The following ROBO1 variants were observed in gnomAD, a reference collection of about 807,000 sequenced individuals.
ROBO1 encodes the protein roundabout guidance receptor 1.
ROBO1 carries 149 observed loss-of-function variants against 195.9 expected under a neutral mutation model. The ratio of observed to expected loss-of-function variants is 0.76; its 90% confidence interval spans 0.67 to 0.87. The LOEUF is 0.87. Ranked by LOEUF, ROBO1 falls within the 40% of genes least tolerant of loss-of-function variation. The probability of loss-of-function intolerance (pLI) is 0.00; values close to 1 mark genes in which losing one functional copy is unlikely to be tolerated. For missense variants in ROBO1, 1,933 were observed against 2,068.3 expected, an observed-to-expected ratio of 0.93 and a Z score of 1.27; for synonymous variants, 816 against 733.2, an observed-to-expected ratio of 1.11 and a Z score of -1.82.
Position 79,086,591 on chromosome 3 carries a change from A to G in ROBO1, c.172+38865T>C, listed in dbSNP as rs138928861. On this transcript the variant is annotated intron_variant, in intron 3 of 30. Transcript: ENST00000464233. The stretch of plus-strand genomic sequence containing the variant: ...CAGCTGAAGAAAATGTGCTCCTTAC[A>G]CAGCTTTATGTGCAAACTACAGGGT... 3.6e-3 allele frequency among the ~76,000 whole-genome samples: 552 copies of G among 152,264 alleles called. 7 individuals are homozygous for G. The highest frequency in any genetic ancestry group is 0.012 in the African/African-American group (514 of 41,558).
At chr3:78,920,929 C>A (rs1201613802) in intron 4 of ROBO1, among the ~76,000 whole-genome samples, 1 of 152,076 alleles carries the variant, frequency 6.6e-6, no homozygotes, top group Non-Finnish European at 1.5e-5. Flanking sequence ...AATCCTCCTG[C>A]CTCAGCATCC....
chr3:79,330,181 G>GT (rs2034376075), intron 2 of ROBO1, among the ~76,000 whole-genome samples: 1 of 150,556 alleles, frequency 6.6e-6, no homozygotes, highest in African/African-American at 2.4e-5. Flanking sequence ...AGGCGGGGAG[G>GT]TTTAGGCAAC....
chr3:79,698,890 A>G (rs1027938119), intron 1 of ROBO1, among the ~76,000 whole-genome samples: 4 of 151,472 alleles, frequency 2.6e-5, no homozygotes, highest in African/African-American at 7.3e-5. Context: ...GAAAGTGCTG[A>G]TAAGCTTTAA....
chr3:78,926,953 TGG>T (rs1222555319), intron 4 of ROBO1, among the ~76,000 whole-genome samples: 1 of 152,186 alleles, frequency 6.6e-6, no homozygotes, highest in Admixed American at 6.5e-5. Context: ...CTGATATAGC[TGG>T]GTGCCATGAA....
rs148981946 is a variant in ROBO1, at chr3:79,512,629, A to G, written c.88+77195T>C. Among the ~76,000 whole-genome samples the G allele has an allele frequency of 2.7e-3, 405 of 152,272 alleles. 1 individual carries two copies. Among genetic ancestry groups the G allele is most frequent in the Middle Eastern group, 6.8e-3 (2 of 294 alleles). ...AATTTCCTTTTTCTAAACAGGAAAT[A>G]TTTATCACATAGACTTTAATTACCA... is the stretch of plus-strand genomic sequence containing the variant. On this transcript the variant is annotated intron_variant, in intron 2 of 30. Coordinates refer to ENST00000464233, the MANE Select transcript of ROBO1 (RefSeq NM_002941.4).
chr3:78,934,031 C>T (rs1375469131), intron 4 of ROBO1, among the ~76,000 whole-genome samples: 3 of 151,936 alleles, frequency 2.0e-5, no homozygotes, highest in Non-Finnish European at 4.4e-5. Flanking sequence ...AATGTATCTT[C>T]AAATTCAAAA....
intron 2 of ROBO1, among the ~76,000 whole-genome samples, chr3:79,493,216 C>T (rs1055191394): frequency 1.3e-5 from 2 of 151,968 alleles, no homozygotes; most frequent in African/African-American, 2.4e-5. Flanking sequence ...TAGCTGTTCA[C>T]ACTTCCCATT....
At chr3:79,551,607 A>T (rs977707849) in intron 2 of ROBO1, among the ~76,000 whole-genome samples, 3 of 152,048 alleles carry the variant, frequency 2.0e-5, no homozygotes, top group Non-Finnish European at 4.4e-5. Context: ...GAAGAAAGAA[A>T]ATATTAATCT....
At chr3:79,659,645 A>G (rs916813307) in intron 1 of ROBO1, among the ~76,000 whole-genome samples, 2 of 151,880 alleles carry the variant, frequency 1.3e-5, no homozygotes, top group African/African-American at 4.8e-5. Flanking sequence ...GGTTTTATAG[A>G]CCTCACAGAA....
chr3:78,987,403 T>C (rs1037263302), intron 3 of ROBO1, among the ~76,000 whole-genome samples: 23 of 151,964 alleles, frequency 1.5e-4, no homozygotes, highest in Non-Finnish European at 2.9e-4. Context: ...CTCAAGAAAT[T>C]ATATCAGCAA....
At chr3:79,197,364 G>A (rs1021646473) in intron 2 of ROBO1, among the ~76,000 whole-genome samples, 6 of 152,002 alleles carry the variant, frequency 3.9e-5, no homozygotes, top group African/African-American at 1.4e-4. Flanking sequence ...CAAAGGACAT[G>A]AACTCATCCT....
chr3:78,970,045 T>C (rs2107904093), intron 3 of ROBO1, among the ~76,000 whole-genome samples: 1 of 152,224 alleles, frequency 6.6e-6, no homozygotes, highest in Non-Finnish European at 1.5e-5. Flanking sequence ...TTGTGCCAGT[T>C]TATATTTTAG....
intron 1 of ROBO1, among the ~76,000 whole-genome samples, chr3:79,749,460 A>T (rs895265608): frequency 1.3e-5 from 2 of 152,204 alleles, no homozygotes; most frequent in African/African-American, 4.8e-5. Flanking sequence ...GAGGATCCAA[A>T]TGTTAATTCC....
intron 5 of ROBO1, among the ~76,000 whole-genome samples, chr3:78,730,525 C>A (rs564630492): frequency 1.5e-5 from 1 of 64,720 alleles, no homozygotes; most frequent in Middle Eastern, 0.013. Context: ...AAAATAGCTA[C>A]AAATTGAAGT....
At chr3:79,456,504 A>G (rs924351139) in intron 2 of ROBO1, among the ~76,000 whole-genome samples, 1 of 152,122 alleles carries the variant, frequency 6.6e-6, no homozygotes, top group Non-Finnish European at 1.5e-5. Context: ...ATTTCTGTAG[A>G]AGGAAAAGCT....
chr3:78,641,935 T>C (rs1028453860), intron 21 of ROBO1, among the ~76,000 whole-genome samples: 1 of 152,184 alleles, frequency 6.6e-6, no homozygotes, highest in Non-Finnish European at 1.5e-5. Flanking sequence ...ATGCTAGTTA[T>C]TTAAGGCAGA....
At chr3:79,470,768 C>G (rs375864559) in intron 2 of ROBO1, among the ~76,000 whole-genome samples, 3 of 152,094 alleles carry the variant, frequency 2.0e-5, no homozygotes, top group African/African-American at 7.2e-5. Context: ...AAAGATGTGA[C>G]TTTGCTCCTC....
chr3:79,448,023 G>T (rs558185924), intron 2 of ROBO1, among the ~76,000 whole-genome samples: 1 of 152,254 alleles, frequency 6.6e-6, no homozygotes, highest in Non-Finnish European at 1.5e-5. Context: ...TTGTTATAAT[G>T]TAACCTGTTA....
At chr3:79,541,041 C>A (rs1431460736) in intron 2 of ROBO1, among the ~76,000 whole-genome samples, 1 of 151,960 alleles carries the variant, frequency 6.6e-6, no homozygotes, top group African/African-American at 2.4e-5. Flanking sequence ...TTATTTTTAA[C>A]CTCAATATCC....
Sources: gnomAD v4.1 joint callset for allele counts (sites outside exome capture counted in the v4.1 genomes callset) on GRCh38, gnomAD v4.1.1 for gene constraint, MANE v1.5 for transcripts, NCBI Gene and HGNC (gene_info 2026-07-23, HGNC 2026-07-21) for gene names.